The following CCDC85C variants were observed in gnomAD, a reference collection of about 807,000 sequenced individuals.
CCDC85C encodes coiled-coil domain containing 85C.
A neutral mutation model predicts 38.3 loss-of-function variants in CCDC85C; 18 were observed. That is an observed-to-expected ratio of 0.47 (90% CI 0.33 to 0.70). The LOEUF (loss-of-function observed/expected upper bound fraction) is 0.70, where lower values mean the gene tolerates loss of function less well. CCDC85C is among the 30% of genes least tolerant of loss of function. The pLI, the probability that CCDC85C is intolerant of heterozygous loss-of-function variation, is 0.03. For missense variants in CCDC85C, 566 were observed against 621.2 expected, an observed-to-expected ratio of 0.91 and a Z score of 0.94; for synonymous variants, 264 against 293.8, an observed-to-expected ratio of 0.90 and a Z score of 1.04.
rs1303841199 is a variant in CCDC85C, at chr14:99,533,803, A to C, written c.867+2212T>G. Among the ~76,000 whole-genome samples the C allele has an allele frequency of 2.6e-5, 4 of 152,214 alleles. No individual in the cohort carries two copies. Among genetic ancestry groups the C allele is most frequent in the Admixed American group, 6.5e-5 (1 of 15,292 alleles). ...ACCTGTGCACAGGTGGGTGCAGGGCAGGTGGACACAGGTTATGGTGGAGGG... is the reference window on the plus strand; with the variant it reads ...ACCTGTGCACAGGTGGGTGCAGGGCCGGTGGACACAGGTTATGGTGGAGGG... On this transcript the variant is annotated intron_variant, in intron 2 of 5. Transcript: ENST00000380243. This position sits in a 1 kb window ranked among gnomAD's most constrained non-coding sequence, Gnocchi z 4.2.
At position 99,506,330 on chromosome 14, in the gene CCDC85C, G is replaced by A. The variant is rs967198085; in HGVS notation, c.*8916C>T. 1 of 152,268 alleles carries A rather than the reference G, an allele frequency of 6.6e-6. No individual in the cohort carries two copies. The highest frequency in any genetic ancestry group is 1.5e-5 in the Non-Finnish European group (1 of 68,070). 9.4% of individuals were successfully genotyped at this position (152,268 alleles called of 1,614,324 possible). A position where few individuals can be genotyped will look rare whatever the true frequency, so the allele number is the denominator to read the frequency against. ...CTCAGCATGCAAACAGAAAAATAGG[G>A]TTCTTTTTCAGTTGTGATGTGCACG... On this transcript the variant is annotated 3_prime_UTR_variant, in exon 6 of 6. Transcript: ENST00000380243.
At chr14:99,589,072 T>C (rs1450382202) in intron 1 of CCDC85C, among the ~76,000 whole-genome samples, 2 of 151,628 alleles carry the variant, frequency 1.3e-5, no homozygotes, top group Non-Finnish European at 2.9e-5. Context: ...CAAAAACAGC[T>C]TCAGGAAAGA....
intron 1 of CCDC85C, among the ~76,000 whole-genome samples, chr14:99,561,623 G>C (rs977613305): frequency 6.6e-6 from 1 of 152,158 alleles, no homozygotes; most frequent in Non-Finnish European, 1.5e-5. Flanking sequence ...TCTGTGCTGC[G>C]AGCGGGCAGA....
chr14:99,540,727 C>T (rs1188216632), intron 1 of CCDC85C, among the ~76,000 whole-genome samples: 1 of 152,186 alleles, frequency 6.6e-6, no homozygotes, highest in Admixed American at 6.5e-5. Context: ...GGGTGTCTCC[C>T]TACAACGTTC....
chr14:99,543,364 C>T (rs1332183397), intron 1 of CCDC85C, among the ~76,000 whole-genome samples: 1 of 152,282 alleles, frequency 6.6e-6, no homozygotes, highest in South Asian at 2.1e-4. Context: ...CGGGGGTCGG[C>T]GGGCAGGGGC....
chr14:99,564,992 A>G (rs1056961417), intron 1 of CCDC85C, among the ~76,000 whole-genome samples: 2 of 152,222 alleles, frequency 1.3e-5, no homozygotes, highest in East Asian at 1.9e-4. Context: ...GGGGCAACCA[A>G]CCGCCTTCCA....
Position 99,545,198 on chromosome 14 carries a change from G to A in CCDC85C, c.794-9110C>T, listed in dbSNP as rs919520841. Among the ~76,000 whole-genome samples the A allele has an allele frequency of 1.1e-4, 16 of 152,086 alleles. No homozygotes were observed. The highest frequency in any genetic ancestry group is 1.8e-4 in the Non-Finnish European group (12 of 68,014). On this transcript the variant is annotated intron_variant, in intron 1 of 5. Transcript: ENST00000380243. This position sits in a 1 kb window ranked among gnomAD's most constrained non-coding sequence, Gnocchi z 4.7. ...GCTCTGGGCTGGGGACTCCCACACC[G>A]GCTGCCTGCCTCTCCCACACATCAG...
At position 99,503,772 on chromosome 14, in the gene CCDC85C, C is replaced by T; in HGVS notation, c.*11474G>A. The T allele has an allele frequency of 1.3e-6, 1 of 746,626 alleles. No individual in the cohort carries two copies. The highest frequency in any genetic ancestry group is 2.2e-6 in the Non-Finnish European group (1 of 454,910). The allele number at this position is 746,626 out of a possible 1,614,324, so 46.3% of individuals were successfully genotyped here. A position where few individuals can be genotyped will look rare whatever the true frequency, so the allele number is the denominator to read the frequency against. ...TCTTAACTTTAGAGCTCATACAAAA[C>T]TTTTCCATCAGCATTGTCTTTCTGT... is the stretch of plus-strand genomic sequence containing the variant. On this transcript the variant is annotated 3_prime_UTR_variant, in exon 6 of 6. Coordinates refer to ENST00000380243, the MANE Select transcript of CCDC85C (RefSeq NM_001144995.2).
chr14:99,564,941 C>T (rs908928623), intron 1 of CCDC85C, among the ~76,000 whole-genome samples: 3 of 152,224 alleles, frequency 2.0e-5, no homozygotes, highest in Middle Eastern at 3.2e-3. Flanking sequence ...TCCATGGAAG[C>T]TCCAGAAGGT....
chr14:99,559,025 A>T (rs12892364), intron 1 of CCDC85C, among the ~76,000 whole-genome samples: 85,969 of 151,842 alleles, frequency 0.57, 25,064 homozygotes, highest in African/African-American at 0.71. Flanking sequence ...CGCCTGCAAG[A>T]CGCACCCGCC....
At chr14:99,540,968 C>T (rs569862732) in intron 1 of CCDC85C, among the ~76,000 whole-genome samples, 6 of 152,218 alleles carry the variant, frequency 3.9e-5, no homozygotes, top group Admixed American at 3.9e-4. Context: ...AGCTGTGAGG[C>T]AGGGGCTGGG....
At chr14:99,526,531 C>G (rs1255374552) in intron 2 of CCDC85C, among the ~76,000 whole-genome samples, 2 of 152,180 alleles carry the variant, frequency 1.3e-5, no homozygotes, top group Non-Finnish European at 2.9e-5. Context: ...GAGGTGAGAC[C>G]CAGGGAGCAA....
In CCDC85C at chr14:99,538,619, G is replaced by A. The variant is rs112011709; in HGVS notation, c.794-2531C>T. ...CGCCTCCCCCTGCTGGTTCCCACAG[G>A]GTGAGCGAGGAGCTCCCAGCACTTC... On this transcript the variant is annotated intron_variant, in intron 1 of 5. Transcript: ENST00000380243. Among the ~76,000 whole-genome samples, 280 of 152,312 alleles carry A rather than the reference G, an allele frequency of 1.8e-3. 2 individuals are homozygous for A. Among genetic ancestry groups the A allele is most frequent in the African/African-American group, 6.5e-3 (272 of 41,570 alleles).
At chr14:99,594,314 T>C (rs1289940276) in intron 1 of CCDC85C, among the ~76,000 whole-genome samples, 3 of 152,186 alleles carry the variant, frequency 2.0e-5, no homozygotes, top group Admixed American at 1.3e-4. Flanking sequence ...ACTAAACCCC[T>C]TACTGAGTCC....
chr14:99,511,371 A>G lies in CCDC85C; in HGVS notation c.*3875T>C, dbSNP rs1422249352. The G allele has an allele frequency of 6.6e-6, 1 of 152,288 alleles. No homozygotes were observed. The highest frequency in any genetic ancestry group is 1.9e-4 in the East Asian group (1 of 5,202). 9.4% of individuals were successfully genotyped at this position (152,288 alleles called of 1,614,324 possible). A position where few individuals can be genotyped will look rare whatever the true frequency, so the allele number is the denominator to read the frequency against. On this transcript the variant is annotated 3_prime_UTR_variant, in exon 6 of 6. Coordinates refer to ENST00000380243, the MANE Select transcript of CCDC85C (RefSeq NM_001144995.2). ...AAGGGGAGAAATGTACTTGGAAATT[A>G]ATGTATGTTTACATCTCTTTGCAAA...
intron 3 of CCDC85C, among the ~76,000 whole-genome samples, chr14:99,518,479 G>A (rs1897258383): frequency 6.6e-6 from 1 of 152,202 alleles, no homozygotes; most frequent in African/African-American, 2.4e-5. Context: ...CCCAGGGTGT[G>A]TGCAGACCCC....
intron 1 of CCDC85C, among the ~76,000 whole-genome samples, chr14:99,577,343 T>C (rs945545059): frequency 1.3e-4 from 20 of 148,670 alleles, no homozygotes; most frequent in African/African-American, 4.9e-4. Flanking sequence ...CAGAGAGGGC[T>C]GACGGCGTGT....
chr14:99,515,042 T>C lies in CCDC85C; in HGVS notation c.*204A>G. Reference sequence around the variant, plus strand: ...GTCGCAGCGTCTCGTCTTCCCAGGTTGCTGGTGTATGAGGCGGGAGATGGC... The same window carrying C: ...GTCGCAGCGTCTCGTCTTCCCAGGTCGCTGGTGTATGAGGCGGGAGATGGC... On this transcript the variant is annotated 3_prime_UTR_variant, in exon 6 of 6. Transcript: ENST00000380243. The C allele has an allele frequency of 1.9e-6, 1 of 531,670 alleles. No homozygotes were observed. The highest frequency in any genetic ancestry group is 3.4e-6 in the Non-Finnish European group (1 of 295,442). The allele number at this position is 531,670 out of a possible 1,614,324, so 32.9% of individuals were successfully genotyped here.
At chr14:99,525,308 G>C (rs1297000412) in intron 2 of CCDC85C, among the ~76,000 whole-genome samples, 1 of 152,196 alleles carries the variant, frequency 6.6e-6, no homozygotes, top group East Asian at 1.9e-4. Context: ...GCGAATGCCT[G>C]CCTGCAAAGC....
Sources: allele counts gnomAD v4.1 joint callset (sites outside exome capture counted in the v4.1 genomes callset), GRCh38; gene constraint gnomAD v4.1.1; non-coding constraint Gnocchi (gnomAD v3.1); transcripts MANE v1.5; gene names NCBI Gene and HGNC (gene_info 2026-07-23, HGNC 2026-07-21).